Variants in GPR139 observed in about 807,000 individuals in gnomAD.
GPR139 encodes the protein probable G protein-coupled receptor 139.
A neutral mutation model predicts 25.8 loss-of-function variants in GPR139; 12 were observed. That is an observed-to-expected ratio of 0.47 (90% confidence interval 0.30 to 0.75). The LOEUF (loss-of-function observed/expected upper bound fraction) is 0.75, where lower values mean the gene tolerates loss of function less well. Among genes scored for constraint, GPR139 ranks in the 30% least tolerant of loss-of-function variants. GPR139 has a pLI of 0.07. For missense variants in GPR139, 380 were observed against 450.2 expected (o/e 0.84, Z 1.41); for synonymous variants, 184 against 179.9 (o/e 1.02, Z -0.18).
chr16:20,031,048 A>G lies in GPR139; in HGVS notation c.*687T>C, dbSNP rs1304966232. Among the ~76,000 whole-genome samples the G allele has an allele frequency of 6.6e-6, 1 of 152,148 alleles. No individual in the cohort carries two copies. Among genetic ancestry groups the G allele is most frequent in the Admixed American group, 6.5e-5 (1 of 15,290 alleles). On this transcript the variant is annotated 3_prime_UTR_variant, in exon 2 of 2. Transcript: ENST00000570682. ...GTTTTGGAGGAGATAGAGAAAATCT[A>G]TACATAATGATAAATAGAAAACTGC... is the stretch of plus-strand genomic sequence containing the variant.
chr16:20,073,584 G>A lies in GPR139; in HGVS notation c.33C>T (p.Asn11=). The change falls in exon 1 of 2, where the codon AAC becomes AAT. Residue 11 remains asparagine (N), a synonymous_variant. Coordinates refer to ENST00000570682, the MANE Select transcript of GPR139 (RefSeq NM_001002911.4). The surrounding 1 kb of genome is among the most constrained non-coding windows in gnomAD (Gnocchi z 4.7). The stretch of plus-strand genomic sequence containing the variant: ...CGGGGGACCACCAAGACAGCGAGCT[G>A]TTGGCTGCGAGGTGGGCGTGCGTGT... MEHTHAHLAA[N]SSLSWWSPGS... is the part of the protein sequence containing the mutation. 6.2e-7 allele frequency: 1 copy of A among 1,611,344 alleles called. No individual in the cohort carries two copies. Among genetic ancestry groups the A allele is most frequent in the South Asian group, 1.1e-5 (1 of 90,318 alleles).
intron 1 of GPR139, among the ~76,000 whole-genome samples, chr16:20,051,777 T>C (rs2057373144): frequency 6.6e-6 from 1 of 152,176 alleles, no homozygotes; most frequent in South Asian, 2.1e-4. Context: ...GTAGTTTGCT[T>C]CCTCATGACT....
At chr16:20,061,322 C>T (rs978156091) in intron 1 of GPR139, among the ~76,000 whole-genome samples, 1 of 142,900 alleles carries the variant, frequency 7.0e-6, no homozygotes, top group African/African-American at 2.7e-5. Flanking sequence ...TGGATAGATG[C>T]GTGGATGGAT....
intron 1 of GPR139, among the ~76,000 whole-genome samples, chr16:20,053,322 C>A (rs902799674): frequency 6.6e-6 from 1 of 152,118 alleles, no homozygotes; most frequent in Non-Finnish European, 1.5e-5. Flanking sequence ...TTGGGTGCTC[C>A]CTACTCAAAG....
At chr16:20,066,200 G>A (rs1460591853) in intron 1 of GPR139, among the ~76,000 whole-genome samples, 2 of 152,128 alleles carry the variant, frequency 1.3e-5, no homozygotes, top group African/African-American at 4.8e-5. Flanking sequence ...TCATTTCATG[G>A]TGCCCTCTGC....
chr16:20,033,587 C>A (rs908100956), intron 1 of GPR139, among the ~76,000 whole-genome samples: 1 of 152,110 alleles, frequency 6.6e-6, no homozygotes, highest in Non-Finnish European at 1.5e-5. Context: ...ATTTTAGGAC[C>A]TTTCCTTTTT....
chr16:20,071,535 A>G (rs1567241900), intron 1 of GPR139, among the ~76,000 whole-genome samples: 1 of 152,212 alleles, frequency 6.6e-6, no homozygotes, highest in Non-Finnish European at 1.5e-5. Context: ...GGCCAAAACT[A>G]TTAGTTGAGG....
chr16:20,036,503 G>A (rs528975331), intron 1 of GPR139, among the ~76,000 whole-genome samples: 8 of 152,306 alleles, frequency 5.3e-5, no homozygotes, highest in Non-Finnish European at 7.3e-5. Context: ...GGCTGGGGAG[G>A]CGTCACAATC....
Position 20,029,370 on chromosome 16 carries a change from T to G in GPR139, c.*2365A>C, listed in dbSNP as rs1222266433. On this transcript the variant is annotated 3_prime_UTR_variant, in exon 2 of 2. Coordinates refer to ENST00000570682, the MANE Select transcript of GPR139 (RefSeq NM_001002911.4). ...AGTCACATACATATTTTCCATCTTA[T>G]ATACATTCTCAAAAAGGAATTGCTT... is the stretch of plus-strand genomic sequence containing the variant. Among the ~76,000 whole-genome samples the G allele has an allele frequency of 6.6e-6, 1 of 152,118 alleles. No individual in the cohort carries two copies. The highest frequency in any genetic ancestry group is 1.5e-5 in the Non-Finnish European group (1 of 68,028).
chr16:20,057,388 AATGGTGGTG>A (rs1232359334), intron 1 of GPR139, among the ~76,000 whole-genome samples: 3 of 152,156 alleles, frequency 2.0e-5, no homozygotes, highest in South Asian at 4.1e-4. Context: ...CTCAAATGGT[AATGGTGGTG>A]ATGATGGTGA....
rs2057286677 is a variant in GPR139, at chr16:20,031,283, C to G, written c.*452G>C. On this transcript the variant is annotated 3_prime_UTR_variant, in exon 2 of 2. Coordinates refer to ENST00000570682, the MANE Select transcript of GPR139 (RefSeq NM_001002911.4). Reference sequence around the variant, plus strand: ...CCTGAAATAGTCATTATTGTTAGCTCCTGGGAACAGCAGAGGGAAGTGATG... The same window carrying G: ...CCTGAAATAGTCATTATTGTTAGCTGCTGGGAACAGCAGAGGGAAGTGATG... Among the ~76,000 whole-genome samples, 1 of 152,102 alleles carries G rather than the reference C, an allele frequency of 6.6e-6. No individual in the cohort carries two copies. The highest frequency in any genetic ancestry group is 2.4e-5 in the African/African-American group (1 of 41,412).
In GPR139 at chr16:20,030,477, CT is replaced by C. The variant is rs1156574879; in HGVS notation, c.*1257del. ...TAAGTAGCAATTTCCAGGGATGCCC[CT>C]ATTCATTACATCCTAGAAATGTTCT... is the stretch of plus-strand genomic sequence containing the variant. On this transcript the variant is annotated 3_prime_UTR_variant, in exon 2 of 2. Coordinates refer to ENST00000570682, the MANE Select transcript of GPR139 (RefSeq NM_001002911.4). 1.3e-5 allele frequency among the ~76,000 whole-genome samples: 2 copies of C among 152,144 alleles called. No individual in the cohort carries two copies. The highest frequency in any genetic ancestry group is 4.8e-5 in the African/African-American group (2 of 41,438).
At chr16:20,044,411 A>T (rs1051863508) in intron 1 of GPR139, among the ~76,000 whole-genome samples, 2 of 152,194 alleles carry the variant, frequency 1.3e-5, no homozygotes, top group Non-Finnish European at 2.9e-5. Context: ...CCTTCTTAAG[A>T]CCTCAGTTTC....
At chr16:20,043,072 C>T (rs1009754516) in intron 1 of GPR139, among the ~76,000 whole-genome samples, 15 of 152,148 alleles carry the variant, frequency 9.9e-5, no homozygotes, top group African/African-American at 2.9e-4. Flanking sequence ...CAGTTGAGAC[C>T]GAGCAAGTCT....
In GPR139 at chr16:20,032,434, C is replaced by G; in HGVS notation, c.363G>C (p.Pro121=). ...CAGCGATATACCTGTCAATGGTTAA[C>G]GGTACAGTAATCCATATGGAGGTGT... ...SIHTSIWITV[P]LTIDRYIAVC... is the part of the protein sequence containing the mutation. Residue 121 remains proline, a synonymous_variant, in exon 2 of 2, where the codon CCG becomes CCC. Transcript: ENST00000570682. 1 of 1,614,154 alleles carries G rather than the reference C, an allele frequency of 6.2e-7. No homozygotes were observed. Among genetic ancestry groups the G allele is most frequent in the Non-Finnish European group, 8.5e-7 (1 of 1,180,026 alleles).
chr16:20,028,381 A>G lies in GPR139; in HGVS notation c.*3354T>C, dbSNP rs536204175. Among the ~76,000 whole-genome samples, 32 of 152,362 alleles carry G rather than the reference A, an allele frequency of 2.1e-4. No homozygotes were observed. Among genetic ancestry groups the G allele is most frequent in the African/African-American group, 7.7e-4 (32 of 41,594 alleles). ...ATCAGCATACTGCAATTGCTTGAAC[A>G]TAGATGCAAATACCAAACACCAAGT... is the stretch of plus-strand genomic sequence containing the variant. On this transcript the variant is annotated 3_prime_UTR_variant, in exon 2 of 2. Coordinates refer to ENST00000570682, the MANE Select transcript of GPR139 (RefSeq NM_001002911.4).
rs2057286194 is a variant in GPR139 at position 20,031,149 on chromosome 16, A to G, written c.*586T>C. Among the ~76,000 whole-genome samples, 1 of 152,096 alleles carries G rather than the reference A, an allele frequency of 6.6e-6. No homozygotes were observed. Among genetic ancestry groups the G allele is most frequent in the Non-Finnish European group, 1.5e-5 (1 of 68,006 alleles). ...TGAAGAAGCTCTGGCCACAGTTTGG[A>G]TGGGATCCAATACTCTTCTATTCCC... On this transcript the variant is annotated 3_prime_UTR_variant, in exon 2 of 2. Coordinates refer to ENST00000570682, the MANE Select transcript of GPR139 (RefSeq NM_001002911.4).
At chr16:20,070,576 C>T (rs146523949) in intron 1 of GPR139, among the ~76,000 whole-genome samples, 10 of 152,286 alleles carry the variant, frequency 6.6e-5, no homozygotes, top group African/African-American at 1.9e-4. Context: ...ACCTAGAGAC[C>T]GAAGGTAGTC....
chr16:20,050,718 A>G (rs946238565), intron 1 of GPR139, among the ~76,000 whole-genome samples: 1 of 152,210 alleles, frequency 6.6e-6, no homozygotes, highest in African/African-American at 2.4e-5. Flanking sequence ...GTTGGGAGGC[A>G]ATAGGCAGTC....
Sources: gnomAD v4.1 joint callset for allele counts (sites outside exome capture counted in the v4.1 genomes callset) on GRCh38, gnomAD v4.1.1 for gene constraint, Gnocchi (gnomAD v3.1) non-coding constraint, MANE v1.5 for transcripts, NCBI Gene and HGNC (gene_info 2026-07-23, HGNC 2026-07-21) for gene names.